Variants in CCDC171 observed in about 807,000 individuals in gnomAD.
The protein encoded by CCDC171 is coiled-coil domain containing 171, also known as coiled-coil domain-containing protein 171.
In CCDC171, 177 loss-of-function variants were observed where a neutral mutation model predicts 168.2. The ratio of observed to expected loss-of-function variants is 1.05; its 90% CI spans 0.93 to 1.19. CCDC171 has a LOEUF of 1.19. Ranked by LOEUF, CCDC171 falls within the 50% of genes most tolerant of loss-of-function variation. The pLI, the probability that CCDC171 is intolerant of heterozygous loss-of-function variation, is 0.00. For synonymous variants in CCDC171, 687 were observed against 540.8 expected (o/e 1.27, Z -3.75); for missense variants, 1,991 against 1,539.0 (o/e 1.29, Z -4.91).
chr9:16,086,642 G>A, the CCDC171 span, among the ~76,000 whole-genome samples: 1 of 151,856 alleles, frequency 6.6e-6, no homozygotes, highest in Non-Finnish European at 1.5e-5. Flanking sequence ...TGTCTATTTT[G>A]TTAATATTTT....
intron 11 of CCDC171, among the ~76,000 whole-genome samples, chr9:15,712,815 G>A: frequency 6.6e-6 from 1 of 152,130 alleles, no homozygotes; most frequent in Non-Finnish European, 1.5e-5. Flanking sequence ...CTTGGTGAAT[G>A]GAAGTTCATA....
intron 13 of CCDC171, among the ~76,000 whole-genome samples, chr9:15,724,218 A>G (rs180834681): frequency 7.7e-4 from 118 of 152,294 alleles, no homozygotes; most frequent in African/African-American, 2.7e-3. Flanking sequence ...TATGTACTAC[A>G]TCTTTGCAAA....
intron 10 of CCDC171, among the ~76,000 whole-genome samples, chr9:15,687,271 G>A (rs2050462273): frequency 6.6e-6 from 1 of 152,052 alleles, no homozygotes; most frequent in Admixed American, 6.6e-5. Context: ...GCTTAAGAGG[G>A]AAACTTACAA....
At chr9:15,883,093 A>G (rs1166204038) in intron 24 of CCDC171, 1 of 399,118 alleles carries the variant, frequency 2.5e-6, no homozygotes, top group African/African-American at 2.4e-5. Context: ...CAGTGGTGTG[A>G]TCATAGCTCA....
At chr9:15,626,897 G>A (rs184102582) in intron 7 of CCDC171, among the ~76,000 whole-genome samples, 118 of 152,282 alleles carry the variant, frequency 7.7e-4, no homozygotes, top group African/African-American at 2.7e-3. Flanking sequence ...AATGGTACCA[G>A]CTCCTCCTTG....
At chr9:16,072,363 G>C in the CCDC171 span, among the ~76,000 whole-genome samples, 3 of 152,238 alleles carry the variant, frequency 2.0e-5, no homozygotes, top group South Asian at 2.1e-4. Flanking sequence ...CTGGAGGCAG[G>C]GAGCTCCTCT....
At chr9:15,719,093 G>A (rs1408877285) in intron 11 of CCDC171, among the ~76,000 whole-genome samples, 1 of 151,874 alleles carries the variant, frequency 6.6e-6, no homozygotes, top group African/African-American at 2.4e-5. Flanking sequence ...ATATAACACA[G>A]AGAAGTAATT....
intron 6 of CCDC171, among the ~76,000 whole-genome samples, chr9:16,025,831 CT>C (rs754565398): frequency 2.6e-5 from 4 of 152,100 alleles, no homozygotes; most frequent in Admixed American, 1.3e-4. Context: ...GTGGGGTCTC[CT>C]TTGGGAGTGA....
At chr9:15,588,773 C>T (rs1563995771) in intron 4 of CCDC171, among the ~76,000 whole-genome samples, 8 of 149,066 alleles carry the variant, frequency 5.4e-5, no homozygotes, top group Admixed American at 4.7e-4. Flanking sequence ...AGTGGCACGA[C>T]CTCGGCTCAC....
intron 25 of CCDC171, among the ~76,000 whole-genome samples, chr9:15,940,476 G>C (rs184247520): frequency 1.3e-5 from 2 of 151,934 alleles, no homozygotes; most frequent in East Asian, 3.9e-4. Flanking sequence ...TGGAAATAAG[G>C]GTTCGGTCCC....
At chr9:15,687,740 A>T (rs549529854) in intron 10 of CCDC171, among the ~76,000 whole-genome samples, 1 of 152,204 alleles carries the variant, frequency 6.6e-6, no homozygotes, top group African/African-American at 2.4e-5. Context: ...GTAAGAGAAT[A>T]CTCTGAAAAA....
rs764958408 is a variant in CCDC171, at chr9:15,778,944, A to G, written c.2899-24A>G. The G allele has an allele frequency of 2.1e-5, 30 of 1,435,640 alleles. 1 individual carries two copies. The South Asian group carries it at 5.0e-4, about 24-fold the overall frequency. The allele number at this position is 1,435,640 out of a possible 1,614,324, so 88.9% of individuals were successfully genotyped here. A position where few individuals can be genotyped will look rare whatever the true frequency, so the allele number is the denominator to read the frequency against. ...TAGTAAATCTGTAGTTACTGTTTAT[A>G]AAATTGCTCTTGTTTAACAACAGAA... On this transcript the variant is annotated intron_variant, in intron 19 of 25. Transcript: ENST00000380701.
At chr9:15,873,257 G>C (rs779497664) in intron 23 of CCDC171, among the ~76,000 whole-genome samples, 1 of 151,962 alleles carries the variant, frequency 6.6e-6, no homozygotes. Flanking sequence ...TATATCCTAA[G>C]GAACTAATTA....
At chr9:15,641,344 T>C (rs1185145178) in intron 7 of CCDC171, among the ~76,000 whole-genome samples, 1 of 152,182 alleles carries the variant, frequency 6.6e-6, no homozygotes, top group Non-Finnish European at 1.5e-5. Flanking sequence ...TATCTCAGTT[T>C]TTCTTCTTGA....
At chr9:15,752,293 T>C (rs749167138) in intron 18 of CCDC171, among the ~76,000 whole-genome samples, 9 of 152,198 alleles carry the variant, frequency 5.9e-5, no homozygotes, top group Non-Finnish European at 8.8e-5. Flanking sequence ...GGTACGCTGT[T>C]ACACTGTTGG....
chr9:15,608,069 G>T (rs2043351843), intron 6 of CCDC171, among the ~76,000 whole-genome samples: 1 of 152,186 alleles, frequency 6.6e-6, no homozygotes, highest in South Asian at 2.1e-4. Context: ...CTGGTGGGCT[G>T]AGTGTGCCAG....
At chr9:15,711,819 C>G (rs1266991145) in intron 11 of CCDC171, among the ~76,000 whole-genome samples, 2 of 152,202 alleles carry the variant, frequency 1.3e-5, no homozygotes, top group Admixed American at 6.5e-5. Context: ...GTACTCTGTA[C>G]TTAGTCCTTC....
chr9:15,571,797 G>A (rs531786129), intron 3 of CCDC171, 38 bp downstream of exon 3: 1 of 1,538,240 alleles, frequency 6.5e-7, no homozygotes, highest in African/African-American at 1.4e-5. Context: ...GTTAAAAGTT[G>A]AGTTTGATTT....
At chr9:16,076,017 T>C in the CCDC171 span, among the ~76,000 whole-genome samples, 1 of 152,214 alleles carries the variant, frequency 6.6e-6, no homozygotes, top group African/African-American at 2.4e-5. Context: ...ATAGTCAAAA[T>C]CAATTTGAAG....
Sources: allele counts gnomAD v4.1 joint callset (sites outside exome capture counted in the v4.1 genomes callset), GRCh38; gene constraint gnomAD v4.1.1; transcripts MANE v1.5; gene names NCBI Gene and HGNC (gene_info 2026-07-23, HGNC 2026-07-21).